Variants in CEP250 observed in about 807,000 individuals in gnomAD.
CEP250 encodes the protein centrosome-associated protein CEP250.
In CEP250, 242 loss-of-function variants were observed where a neutral mutation model predicts 315.7. The ratio of observed to expected loss-of-function variants is 0.77; its 90% CI spans 0.69 to 0.85. The LOEUF is 0.85. Among genes scored for constraint, CEP250 ranks in the 40% least tolerant of loss-of-function variants. The probability of loss-of-function intolerance (pLI) is 0.00; values close to 1 mark genes in which losing one functional copy is unlikely to be tolerated. For synonymous variants in CEP250, 1,088 were observed against 1,175.0 expected (o/e 0.93, Z 1.51); for missense variants, 2,515 against 2,886.4 (o/e 0.87, Z 2.95).
chr20:35,491,403 C>T, intron 22 of CEP250, 57 bp downstream of exon 22: 1 of 1,537,904 alleles, frequency 6.5e-7, no homozygotes, highest in Admixed American at 2.0e-5. Context: ...ACCCATTCGA[C>T]CATGAAGGGT....
At position 35,515,325 on chromosome 20, in the gene CEP250, C is replaced by T. The variant is rs930267162; in HGVS notation, c.*3699C>T. The T allele has an allele frequency of 3.9e-5, 6 of 152,266 alleles. No homozygotes were observed. Among genetic ancestry groups the T allele is most frequent in the African/African-American group, 1.2e-4 (5 of 41,454 alleles). The allele number at this position is 152,266 out of a possible 1,614,324, so 9.4% of individuals were successfully genotyped here. ...AGCCCAGAGCCCAGGACCGAGCATC[C>T]ACCGGCCTCTGGAGATGGCGTGGTC... On this transcript the variant is annotated 3_prime_UTR_variant, in exon 35 of 35. Transcript: ENST00000397527.
chr20:35,468,001 A>G (rs987228966), intron 9 of CEP250, among the ~76,000 whole-genome samples: 4 of 142,970 alleles, frequency 2.8e-5, no homozygotes, highest in African/African-American at 1.1e-4. Flanking sequence ...GCTGGAGAGC[A>G]GTGGCATGAT....
intron 29 of CEP250, 125 bp from the exon 30 acceptor site, chr20:35,502,265 A>G (rs1316571997): frequency 2.5e-6 from 2 of 797,532 alleles, no homozygotes; most frequent in Non-Finnish European, 3.8e-6. Context: ...GGAATATACC[A>G]CCACTTTTTT....
chr20:35,500,184 ACAGG>A lies in CEP250; in HGVS notation c.3898+20_3898+23del. Reference sequence around the variant, plus strand: ...GAATCAGGAAGGTGAGAAGCTCAAGACAGGCAGGGAGATTGAGAGGGAGAAGGGA... The same window carrying A: ...GAATCAGGAAGGTGAGAAGCTCAAGACAGGGAGATTGAGAGGGAGAAGGGA... On this transcript the variant is annotated intron_variant, in intron 28 of 34. Coordinates refer to ENST00000397527, the MANE Select transcript of CEP250 (RefSeq NM_007186.6). The A allele has an allele frequency of 6.2e-7, 1 of 1,613,076 alleles. No individual in the cohort carries two copies. The highest frequency in any genetic ancestry group is 8.5e-7 in the Non-Finnish European group (1 of 1,179,934).
rs978101644 is a variant in CEP250, at chr20:35,462,568, C to T, written c.186+15C>T. ...TGCAGGCCAAGGTGAGGCAGCTGCC[C>T]TTTTGGGGAGGGGAAAGAGAACAAC... is the stretch of plus-strand genomic sequence containing the variant. On this transcript the variant is annotated intron_variant, in intron 4 of 34. Coordinates refer to ENST00000397527, the MANE Select transcript of CEP250 (RefSeq NM_007186.6). The T allele has an allele frequency of 1.3e-6, 2 of 1,578,898 alleles. No individual in the cohort carries two copies. Among genetic ancestry groups the T allele is most frequent in the Non-Finnish European group, 1.7e-6 (2 of 1,161,796 alleles).
At chr20:35,490,897 A>C (rs2063669605) in intron 21 of CEP250, 93 bp downstream of exon 21, 1 of 1,440,872 alleles carries the variant, frequency 6.9e-7, no homozygotes, top group Admixed American at 2.1e-5. Flanking sequence ...AGTGCTGCAG[A>C]GGGGCTTCCA....
At chr20:35,466,924 G>A (rs1290329051) in intron 7 of CEP250, 42 bp from the exon 8 acceptor site, 3 of 1,269,250 alleles carry the variant, frequency 2.4e-6, no homozygotes, top group Non-Finnish European at 3.5e-6. Context: ...GCAAAAGATA[G>A]CCCTCTGCCT....
At position 35,467,397 on chromosome 20, in the gene CEP250, A is replaced by T; in HGVS notation, c.693A>T (p.Glu231Asp). Residue 231 changes from glutamate (E) to aspartate (D), a missense_variant, in exon 9 of 35, where the codon GAA becomes GAT. Transcript: ENST00000397527. ...TGACTGTGGGAGCACAGTCTCGGGA[A>T]CCCAACGGATCTGGAAGAATGGATG... ...LRLTVGAQSR[E>D]PNGSGRMDGR... The T allele has an allele frequency of 2.5e-6, 4 of 1,614,084 alleles. No individual in the cohort carries two copies. The South Asian group carries it at 4.4e-5, about 18-fold the overall frequency.
chr20:35,489,253 G>A (rs1410120518), intron 20 of CEP250, among the ~76,000 whole-genome samples: 1 of 152,046 alleles, frequency 6.6e-6, no homozygotes, highest in Non-Finnish European at 1.5e-5. Context: ...TGTAGCCAGG[G>A]TGTAGTGAAT....
chr20:35,505,528 C>G (rs1172943332), intron 30 of CEP250, among the ~76,000 whole-genome samples: 1 of 151,930 alleles, frequency 6.6e-6, no homozygotes, highest in African/African-American at 2.4e-5. Context: ...TGGCATGTGC[C>G]TGTGATCCCA....
intron 28 of CEP250, among the ~76,000 whole-genome samples, chr20:35,500,486 T>A (rs2063972653): frequency 6.6e-6 from 1 of 152,148 alleles, no homozygotes; most frequent in Non-Finnish European, 1.5e-5. Context: ...TGCACAATTA[T>A]AGGATTGGGG....
At position 35,476,564 on chromosome 20, in the gene CEP250, A is replaced by C; in HGVS notation, c.1832A>C (p.Asp611Ala). ...LSALNEALALDKVGLNQQLLQ... is the reference protein window; with the variant it reads ...LSALNEALALAKVGLNQQLLQ... ...GCCTTAAATGAGGCTTTGGCGTTAG[A>C]TAAAGTTGGGCTGAACCAGCAGCTT... Residue 611 changes from aspartate to alanine, a missense_variant, in exon 16 of 35, where the codon GAT (aspartate) becomes GCT (alanine). Coordinates refer to ENST00000397527, the MANE Select transcript of CEP250 (RefSeq NM_007186.6). 6.2e-7 allele frequency: 1 copy of C among 1,613,856 alleles called. No homozygotes were observed. The highest frequency in any genetic ancestry group is 8.5e-7 in the Non-Finnish European group (1 of 1,179,700).
intron 30 of CEP250, among the ~76,000 whole-genome samples, chr20:35,506,791 C>A (rs1239718592): frequency 1.3e-5 from 2 of 152,158 alleles, no homozygotes; most frequent in African/African-American, 2.4e-5. Flanking sequence ...GTAATATAGG[C>A]ATTGGTGGTA....
Position 35,479,337 on chromosome 20 carries a change from T to C in CEP250, c.2201T>C (p.Leu734Pro). Residue 734 changes from leucine (L) to proline (P), a missense_variant, in exon 18 of 35, where the codon CTA becomes CCA. Leu to Pro is a moderately conservative substitution (Grantham distance 98). Transcript: ENST00000397527. ...AGGGCAGTCCAGGAGAAGGAGGCCCTAGTACGAGAGAAAGCGGCTCTAGAG... is the reference window on the plus strand; with the variant it reads ...AGGGCAGTCCAGGAGAAGGAGGCCCCAGTACGAGAGAAAGCGGCTCTAGAG... ...LARAVQEKEA[L>P]VREKAALEVR... is the part of the protein sequence containing the mutation. 1 of 1,614,150 alleles carries C rather than the reference T, an allele frequency of 6.2e-7. No homozygotes were observed. Among genetic ancestry groups the C allele is most frequent in the Non-Finnish European group, 8.5e-7 (1 of 1,180,022 alleles).
At chr20:35,489,552 T>C (rs931051687) in intron 20 of CEP250, among the ~76,000 whole-genome samples, 3 of 152,172 alleles carry the variant, frequency 2.0e-5, no homozygotes, top group South Asian at 2.1e-4. Context: ...TGTTTAGAAA[T>C]TGAGATCATG....
chr20:35,507,676 A>T, intron 30 of CEP250, 62 bp from the exon 31 acceptor site: 2 of 1,265,550 alleles, frequency 1.6e-6, no homozygotes, highest in East Asian at 2.5e-5. Context: ...TGTGTGGAGG[A>T]TGGGTTGGTC....
At position 35,493,571 on chromosome 20, in the gene CEP250, A is replaced by T; in HGVS notation, c.3032A>T (p.Gln1011Leu). ...CAGGATAAGATGGACCTGCAGAAGCAGGTCCCCTCCTCCTCCCCACCAAGT... is the reference window on the plus strand; with the variant it reads ...CAGGATAAGATGGACCTGCAGAAGCTGGTCCCCTCCTCCTCCCCACCAAGT... The part of the protein sequence containing the change: ...LLQDKMDLQK[Q>L]VEDLKSQLVA... Residue 1011 changes from glutamine to leucine, a missense_variant and splice_region_variant, in exon 23 of 35, where the codon CAG becomes CTG. Physicochemically the swap from Gln to Leu is moderately radical, Grantham distance 113. Coordinates refer to ENST00000397527, the MANE Select transcript of CEP250 (RefSeq NM_007186.6). 1 of 1,539,632 alleles carries T rather than the reference A, an allele frequency of 6.5e-7. No individual in the cohort carries two copies.
At chr20:35,491,098 A>T in intron 21 of CEP250, 114 bp from the exon 22 acceptor site, 1 of 1,314,364 alleles carries the variant, frequency 7.6e-7, no homozygotes, top group Non-Finnish European at 1.0e-6. Context: ...CTTTGCCCTC[A>T]GCCCCTTCCC....
intron 20 of CEP250, among the ~76,000 whole-genome samples, chr20:35,483,260 C>T (rs1190709090): frequency 6.6e-6 from 1 of 150,544 alleles, no homozygotes; most frequent in Non-Finnish European, 1.5e-5. Flanking sequence ...GTGGAGGTTG[C>T]GATGAGCTGA....
Sources: gnomAD v4.1 joint callset for allele counts (sites outside exome capture counted in the v4.1 genomes callset) on GRCh38, gnomAD v4.1.1 for gene constraint, MANE v1.5 for transcripts, NCBI Gene and HGNC (gene_info 2026-07-23, HGNC 2026-07-21) for gene names.